SHB: variants seen among roughly 807,000 people sequenced by gnomAD.
SHB encodes the protein SH2 domain-containing adapter protein B.
In SHB, 20 loss-of-function variants were observed where a neutral mutation model predicts 52.3. The observed-to-expected ratio is 0.38, with a 90% CI of 0.27 to 0.56. SHB has a LOEUF of 0.56. SHB is among the 20% of genes least tolerant of loss of function. The pLI, the probability that SHB is intolerant of heterozygous loss-of-function variation, is 0.71. For synonymous variants in SHB, 397 were observed against 316.5 expected (o/e 1.25, Z -2.70); for missense variants, 825 against 723.3 (o/e 1.14, Z -1.61).
chr9:38,056,869 T>C (rs78179142), intron 1 of SHB, among the ~76,000 whole-genome samples: 2,811 of 152,268 alleles, frequency 0.018, 82 homozygotes, highest in African/African-American at 0.063. Flanking sequence ...GAACAGATGA[T>C]AAAGTAAACA....
At chr9:38,037,080 T>C (rs957970128) in intron 1 of SHB, among the ~76,000 whole-genome samples, 1 of 152,180 alleles carries the variant, frequency 6.6e-6, no homozygotes, top group African/African-American at 2.4e-5. Context: ...GTAAAAGCAG[T>C]TCTGTGTACT....
At chr9:37,989,077 A>ACG (rs1491066081) in intron 2 of SHB, among the ~76,000 whole-genome samples, 8 of 89,498 alleles carry the variant, frequency 8.9e-5, no homozygotes, top group Non-Finnish European at 1.6e-4. Flanking sequence ...ACATGCACAT[A>ACG]CACACACACA....
chr9:38,047,706 C>T (rs1327457483), intron 1 of SHB, among the ~76,000 whole-genome samples: 2 of 152,250 alleles, frequency 1.3e-5, no homozygotes, highest in African/African-American at 4.8e-5. Context: ...AATCCCCCAT[C>T]TTTACAGGTC....
intron 1 of SHB, among the ~76,000 whole-genome samples, chr9:38,023,142 C>A (rs1314871837): frequency 6.6e-6 from 1 of 152,204 alleles, no homozygotes; most frequent in East Asian, 1.9e-4. Flanking sequence ...TGGGCTGCAG[C>A]AGCTGCCCGA....
In SHB at chr9:38,023,614, G is replaced by C. The variant is rs548535916; in HGVS notation, c.718-7483C>G. On this transcript the variant is annotated intron_variant, in intron 1 of 5. Transcript: ENST00000377707. ...GGTACAATTATGCATGACAACAGCT[G>C]TCCTATTTCTCAAACACAAAAAGGA... Among the ~76,000 whole-genome samples, 194 of 152,346 alleles carry C rather than the reference G, an allele frequency of 1.3e-3. 1 individual carries two copies. Among genetic ancestry groups the C allele is most frequent in the Non-Finnish European group, 2.1e-3 (144 of 68,028 alleles).
intron 2 of SHB, among the ~76,000 whole-genome samples, chr9:37,977,993 C>T (rs2243401): frequency 0.57 from 87,009 of 152,058 alleles, 25,297 homozygotes; most frequent in East Asian, 0.77. Flanking sequence ...CTCACTCTCA[C>T]GCCAAAGAGA....
intron 2 of SHB, among the ~76,000 whole-genome samples, chr9:37,988,102 T>C (rs2118006334): frequency 6.6e-6 from 1 of 152,358 alleles, no homozygotes; most frequent in African/African-American, 2.4e-5. Flanking sequence ...CAGCTGCCCC[T>C]GCGGAAGCAA....
At chr9:37,973,551 C>T (rs1820616131) in intron 3 of SHB, among the ~76,000 whole-genome samples, 1 of 152,198 alleles carries the variant, frequency 6.6e-6, no homozygotes, top group African/African-American at 2.4e-5. Context: ...AACTTTGGCA[C>T]AGATTCTAAG....
At chr9:37,989,930 C>A (rs1255031386) in intron 2 of SHB, among the ~76,000 whole-genome samples, 1 of 152,144 alleles carries the variant, frequency 6.6e-6, no homozygotes, top group East Asian at 1.9e-4. Context: ...ATAGATGACA[C>A]CATCCACACA....
intron 1 of SHB, among the ~76,000 whole-genome samples, chr9:38,054,572 A>C: frequency 6.6e-6 from 1 of 152,098 alleles, no homozygotes; most frequent in East Asian, 1.9e-4. Context: ...TGTGACATCA[A>C]AGGGTCCTTG....
intron 5 of SHB, among the ~76,000 whole-genome samples, chr9:37,931,771 T>C (rs1832313778): frequency 6.6e-6 from 1 of 152,192 alleles, no homozygotes; most frequent in African/African-American, 2.4e-5. Flanking sequence ...AATCACCATC[T>C]TGTAAAGACA....
intron 5 of SHB, among the ~76,000 whole-genome samples, chr9:37,932,323 C>T (rs1486118800): frequency 6.8e-6 from 1 of 147,586 alleles, no homozygotes; most frequent in Non-Finnish European, 1.5e-5. Context: ...TGATTGATCT[C>T]ATTTACATGT....
intron 2 of SHB, among the ~76,000 whole-genome samples, chr9:37,997,964 T>C (rs1190479792): frequency 6.6e-6 from 1 of 152,208 alleles, no homozygotes; most frequent in African/African-American, 2.4e-5. Context: ...ACAAGAGTGA[T>C]GCTTCTTCCT....
At chr9:38,003,169 G>T (rs1821039358) in intron 2 of SHB, among the ~76,000 whole-genome samples, 1 of 152,148 alleles carries the variant, frequency 6.6e-6, no homozygotes, top group Admixed American at 6.5e-5. Flanking sequence ...AGCCTGGGCT[G>T]TGCTGGGGAT....
chr9:37,974,488 G>C (rs1376531895), intron 3 of SHB, 134 bp downstream of exon 3: 4 of 717,772 alleles, frequency 5.6e-6, no homozygotes, highest in Non-Finnish European at 9.3e-6. Flanking sequence ...ACATCTGTGA[G>C]GGTACTGAGA....
intron 2 of SHB, among the ~76,000 whole-genome samples, chr9:37,992,064 G>A (rs189983469): frequency 1.8e-4 from 28 of 152,232 alleles, no homozygotes; most frequent in Non-Finnish European, 3.5e-4. Flanking sequence ...CCTCCCCTCC[G>A]GAGCACCTGT....
At position 38,016,019 on chromosome 9, in the gene SHB, A is replaced by G; in HGVS notation, c.830T>C (p.Ile277Thr). 6.2e-7 allele frequency: 1 copy of G among 1,613,982 alleles called. No homozygotes were observed. The highest frequency in any genetic ancestry group is 8.5e-7 in the Non-Finnish European group (1 of 1,179,958). ...GYMEPYEAQR[I>T]MTEFQRQESV... The stretch of plus-strand genomic sequence containing the variant: ...GCTTCAGCTCCACTTACCTGTCATG[A>G]TCCTCTGTGCCTCATAGGGCTCCAT... Residue 277 changes from isoleucine (I) to threonine (T), a missense_variant, in exon 2 of 6, where the codon ATC (isoleucine) becomes ACC (threonine). By Grantham distance (89) the Ile-to-Thr change is moderately conservative. Coordinates refer to ENST00000377707, the MANE Select transcript of SHB (RefSeq NM_003028.3).
At chr9:38,021,854 T>C (rs1033673956) in intron 1 of SHB, among the ~76,000 whole-genome samples, 5 of 152,178 alleles carry the variant, frequency 3.3e-5, no homozygotes, top group Non-Finnish European at 5.9e-5. Context: ...TGTTGAATTA[T>C]GATGCAGTCA....
intron 3 of SHB, among the ~76,000 whole-genome samples, chr9:37,967,641 G>A (rs1199166291): frequency 6.6e-6 from 1 of 152,176 alleles, no homozygotes; most frequent in Non-Finnish European, 1.5e-5. Flanking sequence ...TCAAAGTGGG[G>A]TCGCCAGATG....
Sources: allele counts gnomAD v4.1 joint callset (sites outside exome capture counted in the v4.1 genomes callset), GRCh38; gene constraint gnomAD v4.1.1; transcripts MANE v1.5; gene names NCBI Gene and HGNC (gene_info 2026-07-23, HGNC 2026-07-21).